CLK2: variants seen among roughly 807,000 people sequenced by gnomAD.
CLK2 encodes the protein CDC like kinase 2.
Under a neutral mutation model 73.5 loss-of-function variants are expected in CLK2, and 12 were observed. The ratio of observed to expected loss-of-function variants is 0.16; its 90% CI spans 0.10 to 0.26. The LOEUF (loss-of-function observed/expected upper bound fraction) is 0.26, where lower values mean the gene tolerates loss of function less well. CLK2 is among the 10% of genes least tolerant of loss of function. CLK2 has a pLI of 1.00. For synonymous variants in CLK2, 232 were observed against 237.9 expected (o/e 0.98, Z 0.23); for missense variants, 509 against 688.4 (o/e 0.74, Z 2.92).
intron 6 of CLK2, among the ~76,000 whole-genome samples, chr1:155,267,472 C>T (rs1437153836): frequency 7.9e-5 from 12 of 152,180 alleles, no homozygotes; most frequent in Admixed American, 7.9e-4. Flanking sequence ...AAGCTCCAAA[C>T]AGTATAGATC....
rs534870900 is a variant in CLK2, at chr1:155,263,307, C to T, written c.1411G>A (p.Gly471Ser). 1.9e-5 allele frequency: 31 copies of T among 1,614,190 alleles called. No homozygotes were observed. The highest frequency in any genetic ancestry group is 2.7e-5 in the African/African-American group (2 of 75,074). The part of the protein sequence containing the change: ...EYEPAKRLTL[G>S]EALQHPFFAR... Reference sequence around the variant, plus strand: ...AAGAAAGGATGCTGAAGGGCTTCACCCAAGGTCAGCCGCTTAGCTGGTTCA... The same window carrying T: ...AAGAAAGGATGCTGAAGGGCTTCACTCAAGGTCAGCCGCTTAGCTGGTTCA... The change falls in exon 13 of 13, where the codon GGT becomes AGT. Residue 471 changes from glycine to serine, a missense_variant. This residue lies in a region of CLK2 where 134 missense variants were observed against 146.0 expected (regional missense o/e 0.92). Coordinates refer to ENST00000368361, the MANE Select transcript of CLK2 (RefSeq NM_001294338.2).
chr1:155,269,886 G>A (rs888411064), intron 2 of CLK2, among the ~76,000 whole-genome samples, 170 bp from the exon 3 acceptor site: 1 of 152,182 alleles, frequency 6.6e-6, no homozygotes, highest in African/African-American at 2.4e-5. Context: ...GAGGTAACAA[G>A]CACATCTGCC....
At chr1:155,272,262 C>T (rs1476032058) in intron 1 of CLK2, among the ~76,000 whole-genome samples, 2 of 152,212 alleles carry the variant, frequency 1.3e-5, no homozygotes, top group South Asian at 4.1e-4. Flanking sequence ...GTGATCCGCC[C>T]GCCTTGGCCT....
intron 11 of CLK2, 84 bp from the exon 12 acceptor site, chr1:155,264,124 G>T: frequency 6.5e-7 from 1 of 1,547,368 alleles, no homozygotes; most frequent in Non-Finnish European, 8.9e-7. Context: ...TAACTGGGGG[G>T]AGAGGAGGTA....
rs1673054803 is a variant in CLK2 at position 155,263,199 on chromosome 1, G to C, written c.*19C>G. 1.2e-6 allele frequency: 2 copies of C among 1,603,118 alleles called. No homozygotes were observed. The highest frequency in any genetic ancestry group is 1.7e-6 in the Non-Finnish European group (2 of 1,174,540). ...CACCCACTGCTATAAAAGATGCAGGGGGGCCCAGGGCCTGATCGTCACCGA... is the reference window on the plus strand; with the variant it reads ...CACCCACTGCTATAAAAGATGCAGGCGGGCCCAGGGCCTGATCGTCACCGA... On this transcript the variant is annotated 3_prime_UTR_variant, in exon 13 of 13. Transcript: ENST00000368361.
intron 2 of CLK2, 24 bp from the exon 3 acceptor site, chr1:155,269,740 A>T (rs1673411825): frequency 2.5e-6 from 4 of 1,601,572 alleles, no homozygotes; most frequent in Admixed American, 3.3e-5. Context: ...AATACCAATG[A>T]GGTGTATCTG....
At chr1:155,265,374 C>T (rs540347698) in intron 8 of CLK2, among the ~76,000 whole-genome samples, 4 of 152,208 alleles carry the variant, frequency 2.6e-5, no homozygotes, top group African/African-American at 9.6e-5. Context: ...CGAGACCAGC[C>T]TGGCCAACAT....
intron 2 of CLK2, among the ~76,000 whole-genome samples, chr1:155,270,203 CAAA>C (rs35358437): frequency 4.5e-5 from 5 of 111,604 alleles, no homozygotes; most frequent in Admixed American, 9.3e-5. Flanking sequence ...ACTAAAAATA[CAAA>C]AAAAAAAAAA....
At chr1:155,269,858 C>A in intron 2 of CLK2, 142 bp from the exon 3 acceptor site, 2 of 739,306 alleles carry the variant, frequency 2.7e-6, no homozygotes, top group Non-Finnish European at 2.3e-6. Context: ...ACTGAGAGGA[C>A]CAAGGGACCA....
chr1:155,265,566 CAAATAAATAAATAAATAAAT>C (rs374400975), intron 8 of CLK2, among the ~76,000 whole-genome samples: 1 of 106,410 alleles, frequency 9.4e-6, no homozygotes, highest in Non-Finnish European at 2.0e-5. Context: ...GACTCTGTCT[CAAATAAATAAATAAATAAAT>C]AAATAAATAA....
Position 155,264,308 on chromosome 1 carries a change from A to G in CLK2, c.1147-8T>C. ...CTCTCTGTTGTCATGGGTCTGGGAAACAAAAACAGAACTGAGCATGGGACT... is the reference window on the plus strand; with the variant it reads ...CTCTCTGTTGTCATGGGTCTGGGAAGCAAAAACAGAACTGAGCATGGGACT... On this transcript the variant is annotated splice_polypyrimidine_tract_variant and splice_region_variant and intron_variant, in intron 10 of 12. Transcript: ENST00000368361. 2 of 1,614,192 alleles carry G rather than the reference A, an allele frequency of 1.2e-6. No individual in the cohort carries two copies. Among genetic ancestry groups the G allele is most frequent in the South Asian group, 1.1e-5 (1 of 91,082 alleles).
chr1:155,264,367 G>A (rs1288448694), intron 10 of CLK2, 67 bp from the exon 11 acceptor site: 1 of 1,603,314 alleles, frequency 6.2e-7, no homozygotes, highest in South Asian at 1.1e-5. Flanking sequence ...CTGCCAGGAA[G>A]GCAGGCAATG....
At chr1:155,264,605 ACAT>A (rs773709847) in intron 9 of CLK2, 37 bp downstream of exon 9, 3 of 1,614,100 alleles carry the variant, frequency 1.9e-6, no homozygotes, top group African/African-American at 2.7e-5. Flanking sequence ...CCCCACCCTC[ACAT>A]CATCTCACAC....
Position 155,263,368 on chromosome 1 carries a change from G to C in CLK2, c.1350C>G (p.His450Gln). ...TGCTTTCAATCAGATCGAAGAGCTG[G>C]TGGTGTTCCTCTGCCTCTGAGGTCA... ...RYLTSEAEEH[H>Q]QLFDLIESML... Residue 450 changes from histidine (H) to glutamine (Q), a missense_variant, in exon 13 of 13, where the codon CAC becomes CAG. His to Gln is a conservative substitution (Grantham distance 24). Coordinates refer to ENST00000368361, the MANE Select transcript of CLK2 (RefSeq NM_001294338.2). 1.2e-6 allele frequency: 2 copies of C among 1,614,152 alleles called. No individual in the cohort carries two copies. The highest frequency in any genetic ancestry group is 1.7e-6 in the Non-Finnish European group (2 of 1,180,044).
At chr1:155,270,706 G>T in intron 2 of CLK2, 102 bp downstream of exon 2, 1 of 1,296,096 alleles carries the variant, frequency 7.7e-7, no homozygotes, top group Non-Finnish European at 1.1e-6. Context: ...CCTTCAGCCA[G>T]CTACTTAAGG....
rs1189330078 is a variant in CLK2 at position 155,263,019 on chromosome 1, T to C, written c.*199A>G. 7.1e-6 allele frequency: 4 copies of C among 561,956 alleles called. No homozygotes were observed. The highest frequency in any genetic ancestry group is 2.9e-5 in the South Asian group (1 of 34,542). 34.8% of individuals were successfully genotyped at this position (561,956 alleles called of 1,614,324 possible). ...GAGGGTGGAAACTGTGTGGATGGAA[T>C]AGTATTATGTACAAGGCAGGGGTTG... On this transcript the variant is annotated 3_prime_UTR_variant, in exon 13 of 13. Coordinates refer to ENST00000368361, the MANE Select transcript of CLK2 (RefSeq NM_001294338.2).
intron 12 of CLK2, 82 bp downstream of exon 12, chr1:155,263,868 A>C: frequency 7.0e-7 from 1 of 1,435,082 alleles, no homozygotes; most frequent in Non-Finnish European, 9.7e-7. Context: ...TCTGCTTGTG[A>C]AGAGCATTCC....
chr1:155,269,464 G>A (rs1673389130), intron 3 of CLK2, 24 bp downstream of exon 3: 3 of 1,604,774 alleles, frequency 1.9e-6, no homozygotes, highest in Non-Finnish European at 2.6e-6. Context: ...AGTGGGGAGA[G>A]GAAGGGCCTG....
chr1:155,269,070 C>T (rs952234790), intron 3 of CLK2: 1 of 560,840 alleles, frequency 1.8e-6, no homozygotes, highest in Non-Finnish European at 3.2e-6. Flanking sequence ...ATGTCACCCA[C>T]AACCCCATGC....
Sources: gnomAD v4.1 joint callset for allele counts (sites outside exome capture counted in the v4.1 genomes callset) on GRCh38, gnomAD v4.1.1 for gene constraint, gnomAD v4.1.1 regional missense constraint, MANE v1.5 for transcripts, NCBI Gene and HGNC (gene_info 2026-07-23, HGNC 2026-07-21) for gene names.